PHGDH: variants seen among roughly 807,000 people sequenced by gnomAD.
PHGDH encodes phosphoglycerate dehydrogenase.
Under a neutral mutation model 52.6 loss-of-function variants are expected in PHGDH, and 50 were observed. The observed-to-expected ratio is 0.95, with a 90% CI of 0.76 to 1.20. PHGDH has a LOEUF of 1.20. Ranked by LOEUF, PHGDH falls within the 50% of genes most tolerant of loss-of-function variation. The pLI is 0.00. For synonymous variants in PHGDH, 271 were observed against 280.5 expected (o/e 0.97, Z 0.34); for missense variants, 630 against 684.6 (o/e 0.92, Z 0.89).
intron 5 of PHGDH, chr1:119,727,419 G>A: frequency 2.3e-6 from 1 of 426,104 alleles, no homozygotes; most frequent in Non-Finnish European, 4.4e-6. Context: ...TTAAACAAGA[G>A]ACACGGTGCA....
At chr1:119,740,256 C>A in intron 8 of PHGDH, 130 bp from the exon 9 acceptor site, 1 of 855,100 alleles carries the variant, frequency 1.2e-6, no homozygotes, top group South Asian at 1.5e-5. Context: ...AAGTTGTCAC[C>A]CACCAGGCAC....
Position 119,727,077 on chromosome 1 carries a change from C to G in PHGDH, c.485C>G (p.Thr162Ser), listed in dbSNP as rs745769941. Residue 162 changes from threonine (T) to serine (S), a missense_variant, in exon 5 of 12, where the codon ACC becomes AGC. Transcript: ENST00000641023. ...GGCAGGATTGGGAGAGAGGTAGCTA[C>G]CCGGATGCAGTCCTTTGGGATGAAG... ...GLGRIGREVA[T>S]RMQSFGMKTI... 1 of 1,606,906 alleles carries G rather than the reference C, an allele frequency of 6.2e-7. No individual in the cohort carries two copies. Among genetic ancestry groups the G allele is most frequent in the Non-Finnish European group, 8.5e-7 (1 of 1,173,366 alleles).
chr1:119,714,706 A>T (rs587634012), intron 1 of PHGDH, among the ~76,000 whole-genome samples: 1 of 152,294 alleles, frequency 6.6e-6, no homozygotes, highest in Admixed American at 6.5e-5. Context: ...CTGTCTCTAC[A>T]AAAAATACGA....
At chr1:119,738,538 T>C (rs1267105996) in intron 8 of PHGDH, among the ~76,000 whole-genome samples, 1 of 152,258 alleles carries the variant, frequency 6.6e-6, no homozygotes, top group African/African-American at 2.4e-5. Flanking sequence ...CTGGTCGGCC[T>C]CTGAGCAGGT....
At chr1:119,712,394 C>T (rs1189790751) in intron 1 of PHGDH, 16 of 515,804 alleles carry the variant, frequency 3.1e-5, no homozygotes, top group Non-Finnish European at 5.3e-5. Context: ...TTCACGTTGG[C>T]ATGCCTCCGC....
chr1:119,741,370 G>A lies in PHGDH; in HGVS notation c.1079-397G>A, dbSNP rs587754926. ...CAGGGAGCTGGGCAGCAGTTGCTTCGGTTACTTCTTTCTGCTTTGATTTCC... is the reference window on the plus strand; with the variant it reads ...CAGGGAGCTGGGCAGCAGTTGCTTCAGTTACTTCTTTCTGCTTTGATTTCC... On this transcript the variant is annotated intron_variant, in intron 9 of 11. Coordinates refer to ENST00000641023, the MANE Select transcript of PHGDH (RefSeq NM_006623.4). Among the ~76,000 whole-genome samples the A allele has an allele frequency of 7.8e-4, 119 of 152,296 alleles. 1 individual carries two copies. Among genetic ancestry groups the A allele is most frequent in the Admixed American group, 1.3e-3 (20 of 15,306 alleles).
At chr1:119,730,571 G>GA (rs1284239338) in intron 5 of PHGDH, among the ~76,000 whole-genome samples, 2 of 152,034 alleles carry the variant, frequency 1.3e-5, no homozygotes, top group Non-Finnish European at 2.9e-5. Context: ...GTGATGTTAA[G>GA]AAAAAAACAT....
At chr1:119,726,510 C>T (rs1289404460) in intron 3 of PHGDH, 3 of 435,010 alleles carry the variant, frequency 6.9e-6, no homozygotes, top group Non-Finnish European at 1.3e-5. Flanking sequence ...TTGCCCAGTA[C>T]CCCACTCAGT....
chr1:119,722,755 C>G (rs924331849), intron 2 of PHGDH, among the ~76,000 whole-genome samples: 2 of 151,788 alleles, frequency 1.3e-5, no homozygotes, highest in African/African-American at 4.8e-5. Context: ...GAAAGAAAAG[C>G]CAGGTATGTT....
rs372767195 is a variant in PHGDH at position 119,737,452 on chromosome 1, T to G, written c.945+186T>G. On this transcript the variant is annotated intron_variant, in intron 8 of 11. Transcript: ENST00000641023. ...GGGAGCCTCCCGTCTCCAGCCTTGA[T>G]AGCAGAGGCCTTGGCAGCAGAGAGC... is the stretch of plus-strand genomic sequence containing the variant. Among the ~76,000 whole-genome samples the G allele has an allele frequency of 9.2e-5, 14 of 152,282 alleles. 1 individual carries two copies. The highest frequency in any genetic ancestry group is 3.1e-4 in the African/African-American group (13 of 41,558).
Position 119,726,179 on chromosome 1 carries a change from AGTGTGTGTGTGT to A in PHGDH, c.357-637_357-626del, listed in dbSNP as rs55671458. On this transcript the variant is annotated intron_variant, in intron 3 of 11. Coordinates refer to ENST00000641023, the MANE Select transcript of PHGDH (RefSeq NM_006623.4). The stretch of plus-strand genomic sequence containing the variant: ...TAATAGGAGGAGACAGGCTGTGAAG[AGTGTGTGTGTGT>A]GTGTGTGTGTGTGTGTGTGTGTGTG... Among the ~76,000 whole-genome samples the A allele has an allele frequency of 4.6e-3, 608 of 131,270 alleles. 1 individual carries two copies. Among genetic ancestry groups the A allele is most frequent in the Middle Eastern group, 0.011 (3 of 268 alleles). 86.1% of individuals were successfully genotyped at this position (131,270 alleles called of 152,430 possible).
chr1:119,721,154 G>GT lies in PHGDH; in HGVS notation c.139-10dup, dbSNP rs1557967706. The GT allele has an allele frequency of 6.2e-7, 1 of 1,613,948 alleles. No individual in the cohort carries two copies. The highest frequency in any genetic ancestry group is 2.2e-5 in the East Asian group (1 of 44,882). On this transcript the variant is annotated splice_polypyrimidine_tract_variant and intron_variant, in intron 1 of 11. Coordinates refer to ENST00000641023, the MANE Select transcript of PHGDH (RefSeq NM_006623.4). ...ACAGAATGACTTTCTGGACCCAAAT[G>GT]TTTTTTCTGCTTCAGGACTGTGAAG...
At chr1:119,728,702 G>C (rs144231411) in intron 5 of PHGDH, among the ~76,000 whole-genome samples, 256 of 152,292 alleles carry the variant, frequency 1.7e-3, no homozygotes, top group Non-Finnish European at 2.8e-3. Context: ...GGGCTTCCCA[G>C]ATAGGCCAAA....
At chr1:119,724,131 G>A (rs1651292440) in intron 3 of PHGDH, among the ~76,000 whole-genome samples, 1 of 152,128 alleles carries the variant, frequency 6.6e-6, no homozygotes, top group Admixed American at 6.5e-5. Context: ...GTGTTGGTTA[G>A]TAATTTGGCA....
At chr1:119,723,314 G>C in intron 2 of PHGDH, 62 bp from the exon 3 acceptor site, 3 of 1,293,704 alleles carry the variant, frequency 2.3e-6, no homozygotes, top group Non-Finnish European at 3.4e-6. Context: ...GCTTTCTCTT[G>C]GGGAAGGAGT....
chr1:119,736,847 C>T (rs1394182605), intron 7 of PHGDH, among the ~76,000 whole-genome samples: 1 of 152,230 alleles, frequency 6.6e-6, no homozygotes, highest in Non-Finnish European at 1.5e-5. Flanking sequence ...AGGCTTAGAT[C>T]AAGGTTCACC....
chr1:119,729,164 G>A (rs1022867199), intron 5 of PHGDH, among the ~76,000 whole-genome samples: 3 of 152,066 alleles, frequency 2.0e-5, no homozygotes, highest in African/African-American at 7.2e-5. Flanking sequence ...TTGATCCCTG[G>A]ACTCCTGAGA....
intron 1 of PHGDH, 87 bp downstream of exon 1, chr1:119,712,247 C>A: frequency 8.3e-7 from 1 of 1,206,544 alleles, no homozygotes; most frequent in Non-Finnish European, 1.2e-6. Flanking sequence ...GCCCCCCTCG[C>A]ATGCACCCCG....
At chr1:119,740,819 C>T (rs587697834) in intron 9 of PHGDH, among the ~76,000 whole-genome samples, 19 of 152,238 alleles carry the variant, frequency 1.2e-4, no homozygotes, top group African/African-American at 3.4e-4. Flanking sequence ...TGCGAGAGGT[C>T]GTAGGATGGC....
Sources: allele counts gnomAD v4.1 joint callset (sites outside exome capture counted in the v4.1 genomes callset), GRCh38; gene constraint gnomAD v4.1.1; transcripts MANE v1.5; gene names NCBI Gene and HGNC (gene_info 2026-07-23, HGNC 2026-07-21).